SNX29: variants seen among roughly 807,000 people sequenced by gnomAD.
SNX29 encodes the protein sorting nexin 29.
In SNX29, 78 loss-of-function variants were observed where a neutral mutation model predicts 102.1. That is an observed-to-expected ratio of 0.76 (90% CI 0.64 to 0.92). The LOEUF is 0.92. Among genes scored for constraint, SNX29 ranks in the 40% least tolerant of loss-of-function variants. The pLI is 0.00. For missense variants in SNX29, 1,280 were observed against 1,061.7 expected (o/e 1.21, Z -2.86); for synonymous variants, 580 against 414.5 (o/e 1.40, Z -4.85).
chr16:12,009,186 C>G (rs2056561151), intron 3 of SNX29, among the ~76,000 whole-genome samples: 1 of 151,926 alleles, frequency 6.6e-6, no homozygotes, highest in Admixed American at 6.6e-5. Flanking sequence ...AAATTCAAGA[C>G]AAATAAGTAA....
chr16:12,266,094 T>C lies in SNX29; in HGVS notation c.1679-11839T>C, dbSNP rs74382462. Among the ~76,000 whole-genome samples, 460 of 152,258 alleles carry C rather than the reference T, an allele frequency of 3.0e-3. 2 individuals carry two copies. The highest frequency in any genetic ancestry group is 0.01 in the African/African-American group (435 of 41,542). ...AAAAACAAATTGTGTTTTTCTTTTT[T>C]CTTTTTTTAAGATAGAGACAGGGTC... On this transcript the variant is annotated intron_variant, in intron 14 of 20. Coordinates refer to ENST00000566228, the MANE Select transcript of SNX29 (RefSeq NM_032167.5).
chr16:12,196,716 G>C (rs980776957), intron 13 of SNX29, among the ~76,000 whole-genome samples: 2 of 151,468 alleles, frequency 1.3e-5, no homozygotes, highest in Non-Finnish European at 2.9e-5. Flanking sequence ...CGCCTCCCAG[G>C]TTCAAGCAAT....
chr16:12,319,894 C>T (rs149340692), intron 15 of SNX29, among the ~76,000 whole-genome samples: 138 of 152,282 alleles, frequency 9.1e-4, no homozygotes, highest in African/African-American at 3.2e-3. Context: ...CGGGCTCAGC[C>T]ATAATTAGTT....
At chr16:11,990,623 G>C (rs2055811990) in intron 1 of SNX29, among the ~76,000 whole-genome samples, 1 of 152,088 alleles carries the variant, frequency 6.6e-6, no homozygotes, top group African/African-American at 2.4e-5. Context: ...TCATTGGGCT[G>C]GTAGCGCCGG....
chr16:12,125,605 CTTTTTTTTTTTTTTTTTTTTT>C lies in SNX29; in HGVS notation c.1403-1012_1403-992del, dbSNP rs36212472. The stretch of plus-strand genomic sequence containing the variant: ...AGGGGGGCTTGTGGCTGAGATCTCT[CTTTTTTTTTTTTTTTTTTTTT>C]TTTTTTTTTTTTTTTGAGATGAGGT... On this transcript the variant is annotated intron_variant, in intron 11 of 20. Coordinates refer to ENST00000566228, the MANE Select transcript of SNX29 (RefSeq NM_032167.5). Among the ~76,000 whole-genome samples the C allele has an allele frequency of 2.2e-4, 10 of 45,406 alleles. 1 individual carries two copies. Among genetic ancestry groups the C allele is most frequent in the African/African-American group, 2.8e-4 (3 of 10,896 alleles). The allele number at this position is 45,406 out of a possible 152,430, so 29.8% of individuals were successfully genotyped here. A position where few individuals can be genotyped will look rare whatever the true frequency, so the allele number is the denominator to read the frequency against.
intron 16 of SNX29, among the ~76,000 whole-genome samples, chr16:12,376,935 C>A (rs1206942643): frequency 1.3e-5 from 2 of 151,936 alleles, no homozygotes; most frequent in Non-Finnish European, 2.9e-5. Flanking sequence ...AACTTGGTTT[C>A]TGTGAATTTT....
At chr16:12,505,999 C>G (rs182606314) in intron 19 of SNX29, among the ~76,000 whole-genome samples, 1 of 152,304 alleles carries the variant, frequency 6.6e-6, no homozygotes, top group African/African-American at 2.4e-5. Context: ...CTCGCTCTGT[C>G]ACCCAGGCTG....
intron 13 of SNX29, among the ~76,000 whole-genome samples, chr16:12,145,058 A>G (rs1361805135): frequency 6.6e-6 from 1 of 152,140 alleles, no homozygotes; most frequent in Non-Finnish European, 1.5e-5. Flanking sequence ...CTGAGCTTTC[A>G]ACGTGCGCCC....
intron 13 of SNX29, among the ~76,000 whole-genome samples, chr16:12,197,803 G>A (rs1317691140): frequency 3.9e-5 from 6 of 151,942 alleles, no homozygotes; most frequent in Non-Finnish European, 8.8e-5. Context: ...GGAGATGAAC[G>A]TCGAGTTCTC....
At chr16:12,168,083 C>T (rs914666181) in intron 13 of SNX29, among the ~76,000 whole-genome samples, 8 of 152,094 alleles carry the variant, frequency 5.3e-5, no homozygotes, top group East Asian at 1.9e-4. Context: ...CATGAAGTGG[C>T]GTATTCTGGT....
intron 17 of SNX29, among the ~76,000 whole-genome samples, chr16:12,402,331 A>C (rs1451964368): frequency 6.6e-6 from 1 of 152,210 alleles, no homozygotes; most frequent in African/African-American, 2.4e-5. Flanking sequence ...GAGTCGTGGA[A>C]TCTTCCATCA....
intron 13 of SNX29, among the ~76,000 whole-genome samples, chr16:12,155,793 G>C (rs1483629777): frequency 6.6e-6 from 1 of 152,132 alleles, no homozygotes; most frequent in African/African-American, 2.4e-5. Context: ...CTAAGTGATC[G>C]TGAGTCCCAG....
intron 11 of SNX29, among the ~76,000 whole-genome samples, chr16:12,120,314 G>T: frequency 6.6e-6 from 1 of 152,164 alleles, no homozygotes; most frequent in South Asian, 2.1e-4. Flanking sequence ...AGTATGGGCC[G>T]CAGGGGAGTG....
intron 19 of SNX29, among the ~76,000 whole-genome samples, chr16:12,517,252 C>CA (rs940054740): frequency 6.6e-6 from 1 of 152,180 alleles, no homozygotes; most frequent in African/African-American, 2.4e-5. Flanking sequence ...TTTTGGCTGC[C>CA]ACCCTAGGAG....
intron 11 of SNX29, 83 bp from the exon 12 acceptor site, chr16:12,126,550 A>G (rs1389927742): frequency 7.1e-7 from 1 of 1,400,188 alleles, no homozygotes. Flanking sequence ...GTCATCCTTA[A>G]TAGCATATAA....
chr16:12,245,885 C>T (rs563531847), intron 14 of SNX29, among the ~76,000 whole-genome samples: 62 of 152,252 alleles, frequency 4.1e-4, no homozygotes, highest in Admixed American at 3.5e-3. Flanking sequence ...CTGCAGGTTA[C>T]GTGTTTGGAC....
chr16:12,555,139 C>A (rs1010173573), intron 20 of SNX29, among the ~76,000 whole-genome samples: 5 of 151,798 alleles, frequency 3.3e-5, no homozygotes, highest in African/African-American at 1.2e-4. Flanking sequence ...TATTCTCAGA[C>A]TTGGTCCAGG....
intron 18 of SNX29, among the ~76,000 whole-genome samples, chr16:12,469,765 C>G (rs940435168): frequency 5.3e-5 from 8 of 152,308 alleles, no homozygotes; most frequent in African/African-American, 1.9e-4. Context: ...AATCTCAGCA[C>G]TTTTGGAGGC....
intron 14 of SNX29, among the ~76,000 whole-genome samples, chr16:12,267,177 T>C (rs912834878): frequency 3.3e-5 from 5 of 152,134 alleles, no homozygotes; most frequent in African/African-American, 1.2e-4. Flanking sequence ...TTAAAGCATT[T>C]GGAAAGGTTA....
Sources: allele counts gnomAD v4.1 joint callset (sites outside exome capture counted in the v4.1 genomes callset), GRCh38; gene constraint gnomAD v4.1.1; transcripts MANE v1.5; gene names NCBI Gene and HGNC (gene_info 2026-07-23, HGNC 2026-07-21).